Variants in EYA3 observed in about 807,000 individuals in gnomAD.
EYA3 encodes protein phosphatase EYA3.
A neutral mutation model predicts 80.0 loss-of-function variants in EYA3; 39 were observed. The ratio of observed to expected loss-of-function variants is 0.49; its 90% confidence interval spans 0.38 to 0.64. The LOEUF (loss-of-function observed/expected upper bound fraction) is 0.64. Ranked by LOEUF, EYA3 falls within the 30% of genes least tolerant of loss-of-function variation. The pLI is 0.00. For missense variants in EYA3, 523 were observed against 676.1 expected, an observed-to-expected ratio of 0.77 and a Z score of 2.51; for synonymous variants, 206 against 232.8, an observed-to-expected ratio of 0.88 and a Z score of 1.05.
intron 1 of EYA3, among the ~76,000 whole-genome samples, chr1:28,081,933 C>CATTAA (rs369179325): frequency 6.6e-6 from 1 of 151,874 alleles, no homozygotes; most frequent in African/African-American, 2.4e-5. Context: ...ATGTGGAAGC[C>CATTAA]ATTAAATTAA....
rs145532004 is a variant in EYA3, at chr1:28,082,755, C to T, written c.-69+5769G>A. 2.3e-3 allele frequency among the ~76,000 whole-genome samples: 347 copies of T among 152,152 alleles called. 1 individual carries two copies. The highest frequency in any genetic ancestry group is 7.8e-3 in the African/African-American group (323 of 41,530). ...GACTATTACATAAATTTGTTTAATA[C>T]TCTGAAGGTAAAAGAAAAAAATTAA... is the stretch of plus-strand genomic sequence containing the variant. On this transcript the variant is annotated intron_variant, in intron 1 of 17. Coordinates refer to ENST00000373871, the MANE Select transcript of EYA3 (RefSeq NM_001990.4).
intron 16 of EYA3, 80 bp from the exon 17 acceptor site, chr1:27,978,554 A>AC: frequency 8.3e-7 from 1 of 1,197,654 alleles, no homozygotes; most frequent in Non-Finnish European, 1.2e-6. Flanking sequence ...TGCTAGGTTC[A>AC]CCTGCCTGTG....
At chr1:28,082,004 T>A (rs1645446887) in intron 1 of EYA3, among the ~76,000 whole-genome samples, 1 of 152,120 alleles carries the variant, frequency 6.6e-6, no homozygotes, top group African/African-American at 2.4e-5. Context: ...AATGTTTAAC[T>A]AAAAGTAAAG....
Position 28,084,580 on chromosome 1 carries a change from TATATATATATATATA to T in EYA3, c.-69+3929_-69+3943del, listed in dbSNP as rs757840679. ...AAATATATATATATATATATATATA[TATATATATATATATA>T]TTTTTTTTTTTTTTTTTTTTTTTTT... On this transcript the variant is annotated intron_variant, in intron 1 of 17. Coordinates refer to ENST00000373871, the MANE Select transcript of EYA3 (RefSeq NM_001990.4). Among the ~76,000 whole-genome samples the T allele has an allele frequency of 3.0e-3, 48 of 15,818 alleles. 1 individual carries two copies. Among genetic ancestry groups the T allele is most frequent in the African/African-American group, 9.9e-3 (36 of 3,638 alleles). 10.4% of individuals were successfully genotyped at this position (15,818 alleles called of 152,430 possible).
At chr1:27,980,981 T>G (rs185189432) in intron 16 of EYA3, among the ~76,000 whole-genome samples, 1 of 152,236 alleles carries the variant, frequency 6.6e-6, no homozygotes, top group Non-Finnish European at 1.5e-5. Flanking sequence ...AGGTTAAGGT[T>G]GCAATGGGCT....
intron 1 of EYA3, among the ~76,000 whole-genome samples, chr1:28,082,175 T>C (rs182519625): frequency 6.6e-6 from 1 of 152,260 alleles, no homozygotes; most frequent in Admixed American, 6.5e-5. Context: ...GAATTAAAAT[T>C]AGTATTCCTA....
chr1:28,059,418 G>A (rs1404723483), intron 1 of EYA3, among the ~76,000 whole-genome samples: 1 of 152,196 alleles, frequency 6.6e-6, no homozygotes, highest in African/African-American at 2.4e-5. Context: ...GAATTACAGA[G>A]TGCAATAAGT....
chr1:27,986,546 C>A (rs942018400), intron 16 of EYA3, among the ~76,000 whole-genome samples: 2 of 150,416 alleles, frequency 1.3e-5, no homozygotes, highest in Non-Finnish European at 3.0e-5. Context: ...TACAGGCTCA[C>A]GCCACCATGC....
chr1:28,080,543 C>A (rs1010719022), intron 1 of EYA3, among the ~76,000 whole-genome samples: 8 of 151,442 alleles, frequency 5.3e-5, no homozygotes, highest in Admixed American at 4.6e-4. Flanking sequence ...TTTCAAGAAA[C>A]TTCTGTTTCG....
intron 6 of EYA3, among the ~76,000 whole-genome samples, chr1:28,028,445 T>C (rs1000125905): frequency 2.0e-5 from 3 of 152,214 alleles, no homozygotes; most frequent in African/African-American, 2.4e-5. Context: ...AAGACATACC[T>C]GCTTATTTTT....
At chr1:27,978,903 A>T (rs1186093441) in intron 16 of EYA3, among the ~76,000 whole-genome samples, 2 of 152,216 alleles carry the variant, frequency 1.3e-5, no homozygotes, top group Non-Finnish European at 2.9e-5. Context: ...CGGAGGTTGC[A>T]GTGAGCCGAG....
intron 2 of EYA3, among the ~76,000 whole-genome samples, chr1:28,057,595 C>T (rs1644477560): frequency 6.6e-6 from 1 of 152,012 alleles, no homozygotes; most frequent in Admixed American, 6.6e-5. Context: ...TAAGAATTAG[C>T]TAGTGGTCAA....
rs143988059 is a variant in EYA3, at chr1:28,010,954, T to C, written c.902A>G (p.Glu301Gly). The C allele has an allele frequency of 7.8e-5, 126 of 1,613,116 alleles. No individual in the cohort carries two copies. The highest frequency in any genetic ancestry group is 1.0e-4 in the Non-Finnish European group (120 of 1,179,688). Residue 301 changes from glutamate to glycine, a missense_variant, in exon 10 of 18, where the codon GAA (glutamate) becomes GGA (glycine). Around this residue, in one of 2 missense-constraint regions of EYA3, gnomAD observed 219 missense variants for 332.8 expected, o/e 0.66. Coordinates refer to ENST00000373871, the MANE Select transcript of EYA3 (RefSeq NM_001990.4). ...KADATSSQDS[E>G]LERVFLWDLD... ...ATCAGTTTCTTCTCATACTTCTAAT[T>C]CACTGTCTTGGGAAGAAGTGGCATC...
At position 27,993,449 on chromosome 1, in the gene EYA3, G is replaced by C; in HGVS notation, c.1254C>G (p.Arg418=). ...CATAGATTTCTCTCACTTTCCGGTA[G>C]CGGAAAGCTAGTTTCCTCATCCAGT... is the stretch of plus-strand genomic sequence containing the variant. ...GVDWMRKLAF[R]YRKVREIYDK... Residue 418 remains arginine (R), a synonymous_variant, in exon 14 of 18, where the codon CGC becomes CGG. Transcript: ENST00000373871. 1 of 1,613,344 alleles carries C rather than the reference G, an allele frequency of 6.2e-7. No individual in the cohort carries two copies. The highest frequency in any genetic ancestry group is 8.5e-7 in the Non-Finnish European group (1 of 1,179,718).
chr1:28,051,884 C>T (rs981338498), intron 2 of EYA3, among the ~76,000 whole-genome samples: 5 of 148,492 alleles, frequency 3.4e-5, no homozygotes, highest in Middle Eastern at 3.2e-3. Flanking sequence ...CAGCTGGCTG[C>T]ATTAAAGAAA....
intron 5 of EYA3, among the ~76,000 whole-genome samples, chr1:28,038,275 A>G (rs567113517): frequency 3.6e-4 from 54 of 151,756 alleles, no homozygotes; most frequent in African/African-American, 9.7e-4. Flanking sequence ...CATCTCTACT[A>G]AAAAATACAA....
At chr1:28,047,655 T>C (rs1214780124) in intron 3 of EYA3, among the ~76,000 whole-genome samples, 4 of 139,140 alleles carry the variant, frequency 2.9e-5, no homozygotes, top group Non-Finnish European at 6.5e-5. Context: ...TTTTTTTTTT[T>C]TGAGACAGAG....
At chr1:28,010,913 C>G in intron 10 of EYA3, 34 bp downstream of exon 10, 1 of 1,597,852 alleles carries the variant, frequency 6.3e-7, no homozygotes, top group Non-Finnish European at 8.5e-7. Flanking sequence ...TGAGAAAGAA[C>G]AAAGTAGGTA....
At chr1:27,978,947 A>T (rs1438622899) in intron 16 of EYA3, among the ~76,000 whole-genome samples, 1 of 152,178 alleles carries the variant, frequency 6.6e-6, no homozygotes, top group East Asian at 1.9e-4. Context: ...GGGCAACAAG[A>T]GCGAACTCTG....
Sources: gnomAD v4.1 joint callset for allele counts (sites outside exome capture counted in the v4.1 genomes callset) on GRCh38, gnomAD v4.1.1 for gene constraint, gnomAD v4.1.1 regional missense constraint, MANE v1.5 for transcripts, NCBI Gene and HGNC (gene_info 2026-07-23, HGNC 2026-07-21) for gene names.